The following SAXO1 variants were observed in gnomAD, a reference collection of about 807,000 sequenced individuals.
The protein encoded by SAXO1 is stabilizer of axonemal microtubules 1.
A neutral mutation model predicts 17.5 loss-of-function variants in SAXO1; 21 were observed. The observed-to-expected ratio is 1.20, with a 90% CI of 0.85 to 1.72. SAXO1 has a LOEUF of 1.72. SAXO1 is among the 40% of genes most tolerant of loss of function. The probability of loss-of-function intolerance (pLI) is 0.00; values close to 1 mark genes in which losing one functional copy is unlikely to be tolerated. For missense variants in SAXO1, 843 were observed against 596.0 expected, an observed-to-expected ratio of 1.41 and a Z score of -4.32; for synonymous variants, 274 against 216.5, an observed-to-expected ratio of 1.27 and a Z score of -2.33.
intron 1 of SAXO1, among the ~76,000 whole-genome samples, chr9:18,951,334 T>C (rs868471614): frequency 6.6e-6 from 1 of 152,152 alleles, no homozygotes; most frequent in Non-Finnish European, 1.5e-5. Flanking sequence ...ACTACTGACC[T>C]AACAGGGTGC....
At chr9:18,938,591 C>T (rs770008436) in intron 3 of SAXO1, among the ~76,000 whole-genome samples, 9 of 152,030 alleles carry the variant, frequency 5.9e-5, no homozygotes, top group Non-Finnish European at 1.0e-4. Flanking sequence ...TCACCAGGCC[C>T]CACCTCCAAC....
intron 1 of SAXO1, among the ~76,000 whole-genome samples, chr9:18,984,130 G>C (rs1251152340): frequency 6.6e-6 from 1 of 152,144 alleles, no homozygotes; most frequent in East Asian, 1.9e-4. Flanking sequence ...TGAGCAGTAG[G>C]TCTCAATAGA....
At chr9:19,027,902 C>A in intron 1 of SAXO1, 2 of 1,368,836 alleles carry the variant, frequency 1.5e-6, no homozygotes, top group Non-Finnish European at 1.0e-6. Flanking sequence ...GTGCCTGGGC[C>A]AGAATCATGC....
intron 1 of SAXO1, among the ~76,000 whole-genome samples, chr9:18,968,525 AG>A (rs1383990485): frequency 1.3e-5 from 2 of 152,118 alleles, no homozygotes; most frequent in African/African-American, 4.8e-5. Flanking sequence ...AGTGAAAAAA[AG>A]TTTCTAAAAC....
At chr9:19,002,438 C>T (rs982930908) in intron 1 of SAXO1, among the ~76,000 whole-genome samples, 3 of 152,032 alleles carry the variant, frequency 2.0e-5, no homozygotes, top group Non-Finnish European at 4.4e-5. Flanking sequence ...AGAGACACAA[C>T]AAAAAAAGAG....
At chr9:18,984,031 T>C (rs113757321) in intron 1 of SAXO1, among the ~76,000 whole-genome samples, 3,047 of 146,976 alleles carry the variant, frequency 0.021, 98 homozygotes, top group African/African-American at 0.079. Flanking sequence ...GGATAGACAA[T>C]ATTCATCTCC....
intron 1 of SAXO1, among the ~76,000 whole-genome samples, chr9:19,041,888 A>T (rs1269258284): frequency 6.6e-6 from 1 of 152,148 alleles, no homozygotes; most frequent in Non-Finnish European, 1.5e-5. Flanking sequence ...TCTGGACAAA[A>T]ACTTCTTGAG....
chr9:19,031,064 G>A (rs1426244175), intron 1 of SAXO1, among the ~76,000 whole-genome samples: 2 of 152,226 alleles, frequency 1.3e-5, no homozygotes, highest in Admixed American at 6.5e-5. Context: ...TGAGAACAGA[G>A]TCAGAGAAGG....
chr9:18,965,039 G>C (rs1391251385), intron 1 of SAXO1, among the ~76,000 whole-genome samples: 1 of 152,200 alleles, frequency 6.6e-6, no homozygotes, highest in African/African-American at 2.4e-5. Flanking sequence ...GGAGCAGGTT[G>C]TTCAGTTTCC....
At chr9:18,979,013 G>C (rs932889498) in intron 1 of SAXO1, among the ~76,000 whole-genome samples, 1 of 152,158 alleles carries the variant, frequency 6.6e-6, no homozygotes, top group Non-Finnish European at 1.5e-5. Context: ...AAATGGGATA[G>C]CATCAAATTT....
intron 1 of SAXO1, among the ~76,000 whole-genome samples, chr9:19,039,887 C>G (rs1261905832): frequency 6.6e-6 from 1 of 152,142 alleles, no homozygotes; most frequent in African/African-American, 2.4e-5. Context: ...TGCCACCACA[C>G]CCAGCTAATT....
At position 19,020,330 on chromosome 9, in the gene SAXO1, A is replaced by G. The variant is rs185000474; in HGVS notation, c.38+12541T>C. On this transcript the variant is annotated intron_variant, in intron 1 of 3. Coordinates refer to ENST00000380534, the MANE Select transcript of SAXO1 (RefSeq NM_153707.4). The stretch of plus-strand genomic sequence containing the variant: ...CAGTTTGTTTGGGGCCCAGCATTTC[A>G]GCCTGTCGAAATAATTTTTTTTTTT... Among the ~76,000 whole-genome samples the G allele has an allele frequency of 4.4e-4, 65 of 149,268 alleles. No individual in the cohort carries two copies. The East Asian group carries it at 8.3e-3, about 19-fold the overall frequency.
chr9:19,033,248 T>A (rs546842581), upstream of SAXO1: 60 of 280,720 alleles, frequency 2.1e-4, no homozygotes, highest in South Asian at 8.0e-3. Flanking sequence ...CCAGGTAGCC[T>A]CTGTGATGTC....
chr9:19,030,677 G>C (rs555783832), intron 1 of SAXO1, among the ~76,000 whole-genome samples: 2 of 152,080 alleles, frequency 1.3e-5, no homozygotes, highest in East Asian at 1.9e-4. Context: ...CTGCACGACA[G>C]AGTAAGACTC....
chr9:19,014,918 G>A (rs902654932), intron 1 of SAXO1, among the ~76,000 whole-genome samples: 10 of 152,160 alleles, frequency 6.6e-5, no homozygotes, highest in Non-Finnish European at 1.5e-4. Flanking sequence ...CTCAGAGATC[G>A]TGAAAACATA....
rs145406795 is a variant in SAXO1 at position 18,977,549 on chromosome 9, G to A, written c.39-26612C>T. On this transcript the variant is annotated intron_variant, in intron 1 of 3. Transcript: ENST00000380534. The stretch of plus-strand genomic sequence containing the variant: ...GGTGGAATACAAATTTAAACTAAGT[G>A]TTTCTGAATCTAAAGTTCATGTTTG... 4.2e-3 allele frequency among the ~76,000 whole-genome samples: 637 copies of A among 152,212 alleles called. 5 individuals carry two copies. The highest frequency in any genetic ancestry group is 0.015 in the African/African-American group (606 of 41,546).
At chr9:18,936,924 GA>G (rs1426669170) in intron 3 of SAXO1, among the ~76,000 whole-genome samples, 3 of 152,020 alleles carry the variant, frequency 2.0e-5, no homozygotes, top group Non-Finnish European at 2.9e-5. Context: ...GTGAAAAGGG[GA>G]AAAAAAGATT....
chr9:18,937,175 C>T (rs189461419), intron 3 of SAXO1, among the ~76,000 whole-genome samples: 4 of 152,316 alleles, frequency 2.6e-5, no homozygotes, highest in East Asian at 1.9e-4. Flanking sequence ...GAGATAAGGG[C>T]GTGACCCCTC....
chr9:19,000,610 G>A (rs1488760680), intron 1 of SAXO1, among the ~76,000 whole-genome samples: 1 of 152,204 alleles, frequency 6.6e-6, no homozygotes, highest in Non-Finnish European at 1.5e-5. Flanking sequence ...CCCAGCCACT[G>A]TGCAACCCTC....
Sources: allele counts gnomAD v4.1 joint callset (sites outside exome capture counted in the v4.1 genomes callset), GRCh38; gene constraint gnomAD v4.1.1; transcripts MANE v1.5; gene names NCBI Gene and HGNC (gene_info 2026-07-23, HGNC 2026-07-21).